Variants in ATAD5 observed in about 807,000 individuals in gnomAD.
ATAD5 encodes the protein ATPase family AAA domain containing 5.
ATAD5 carries 58 observed loss-of-function variants against 176.9 expected under a neutral mutation model. The observed-to-expected ratio is 0.33, with a 90% confidence interval of 0.27 to 0.41. The LOEUF is 0.41. ATAD5 is among the 10% of genes least tolerant of loss of function. The pLI, the probability that ATAD5 is intolerant of heterozygous loss-of-function variation, is 1.00. For synonymous variants in ATAD5, 640 were observed against 712.6 expected, an observed-to-expected ratio of 0.90 and a Z score of 1.62; for missense variants, 1,789 against 2,094.1, an observed-to-expected ratio of 0.85 and a Z score of 2.84.
intron 9 of ATAD5, among the ~76,000 whole-genome samples, chr17:30,858,752 C>T (rs1170140290): frequency 1.3e-5 from 2 of 152,058 alleles, no homozygotes; most frequent in Non-Finnish European, 2.9e-5. Context: ...GCAACTTTGC[C>T]TCACTGCAAC....
At chr17:30,840,574 T>G in intron 3 of ATAD5, 43 bp from the exon 4 acceptor site, 2 of 1,275,016 alleles carry the variant, frequency 1.6e-6, no homozygotes, top group Non-Finnish European at 2.1e-6. Context: ...AAATATAAAA[T>G]ATTTTCTTGT....
intron 15 of ATAD5, 33 bp downstream of exon 15, chr17:30,876,583 TTAA>T: frequency 7.2e-7 from 1 of 1,386,996 alleles, no homozygotes; most frequent in Non-Finnish European, 9.9e-7. Flanking sequence ...TTTATATTTT[TTAA>T]TAATAATGAC....
intron 3 of ATAD5, among the ~76,000 whole-genome samples, chr17:30,839,277 T>C (rs1905934443): frequency 6.6e-6 from 1 of 152,122 alleles, no homozygotes; most frequent in African/African-American, 2.4e-5. Context: ...TCTGCTTAAA[T>C]AGATATATCT....
intron 2 of ATAD5, 81 bp downstream of exon 2, chr17:30,836,129 G>A (rs1905730234): frequency 1.6e-6 from 2 of 1,243,722 alleles, no homozygotes; most frequent in Non-Finnish European, 1.1e-6. Flanking sequence ...AGTATTGGAG[G>A]GTATTTTTTT....
chr17:30,865,818 G>C lies in ATAD5; in HGVS notation c.3233+18G>C, dbSNP rs1907945369. The C allele has an allele frequency of 2.1e-6, 3 of 1,426,366 alleles. No homozygotes were observed. The highest frequency in any genetic ancestry group is 1.8e-4 in the Middle Eastern group (1 of 5,542). 88.4% of individuals were successfully genotyped at this position (1,426,366 alleles called of 1,614,324 possible). On this transcript the variant is annotated intron_variant, in intron 11 of 22. Transcript: ENST00000321990. ...TTACATAGGTTGGTAAAATGTGTAA[G>C]GAATTGAGAAATAGTTTACAAACTT...
At position 30,873,689 on chromosome 17, in the gene ATAD5, C is replaced by CTTTTT. The variant is rs775055653; in HGVS notation, c.3608-2672_3608-2668dup. Among the ~76,000 whole-genome samples the CTTTTT allele has an allele frequency of 1.8e-3, 228 of 129,582 alleles. 6 individuals are homozygous for CTTTTT. Among genetic ancestry groups the CTTTTT allele is most frequent in the African/African-American group, 6.1e-3 (207 of 33,726 alleles). 85.0% of individuals were successfully genotyped at this position (129,582 alleles called of 152,430 possible). ...CAGAGTATCTTAAAATAAAAATTGC[C>CTTTTT]TTTTTTTTTTTTTTTTTGAAAAGAC... On this transcript the variant is annotated intron_variant, in intron 14 of 22. Coordinates refer to ENST00000321990, the MANE Select transcript of ATAD5 (RefSeq NM_024857.5).
At chr17:30,867,833 G>A (rs1908092014) in intron 11 of ATAD5, among the ~76,000 whole-genome samples, 1 of 152,114 alleles carries the variant, frequency 6.6e-6, no homozygotes, top group African/African-American at 2.4e-5. Context: ...GCAAATTCCT[G>A]GGCTGAAGCA....
intron 11 of ATAD5, among the ~76,000 whole-genome samples, chr17:30,866,631 A>G (rs1020691179): frequency 2.0e-5 from 3 of 151,994 alleles, no homozygotes; most frequent in Admixed American, 2.0e-4. Flanking sequence ...CCTGGCCAAC[A>G]TGGTGAAACC....
At chr17:30,892,088 A>G (rs1286625101) in intron 19 of ATAD5, among the ~76,000 whole-genome samples, 1 of 151,922 alleles carries the variant, frequency 6.6e-6, no homozygotes, top group Non-Finnish European at 1.5e-5. Context: ...GATGGCTTTG[A>G]AAGTCCCCCA....
At chr17:30,868,237 C>G (rs1908113510) in intron 11 of ATAD5, 96 bp from the exon 12 acceptor site, 7 of 1,024,812 alleles carry the variant, frequency 6.8e-6, no homozygotes, top group Non-Finnish European at 5.3e-6. Flanking sequence ...GAGAAACTAA[C>G]AATATGCCAT....
rs1250200843 is a variant in ATAD5 at position 30,887,243 on chromosome 17, A to G, written c.4129A>G (p.Thr1377Ala). 1 of 1,603,310 alleles carries G rather than the reference A, an allele frequency of 6.2e-7. No individual in the cohort carries two copies. Among genetic ancestry groups the G allele is most frequent in the Admixed American group, 1.8e-5 (1 of 56,806 alleles). ...GATTTGCTTAACTGAGAATTTTAGA[A>G]CTGATGTAAAAGACTTTGTAACCTT... ...QMICLTENFR[T>A]DVKDFVTLLT... Residue 1377 changes from threonine to alanine, a missense_variant, in exon 19 of 23, where the codon ACT becomes GCT. Coordinates refer to ENST00000321990, the MANE Select transcript of ATAD5 (RefSeq NM_024857.5).
At chr17:30,840,865 A>G (rs1242089722) in intron 4 of ATAD5, 84 bp downstream of exon 4, 2 of 1,371,058 alleles carry the variant, frequency 1.5e-6, no homozygotes, top group African/African-American at 3.0e-5. Flanking sequence ...ATAAAGTTAT[A>G]AGGTAGGTTT....
intron 6 of ATAD5, among the ~76,000 whole-genome samples, chr17:30,846,544 A>G (rs1212313726): frequency 6.6e-6 from 1 of 151,768 alleles, no homozygotes; most frequent in African/African-American, 2.4e-5. Context: ...CTGGGACTAC[A>G]GGCACGCACC....
chr17:30,886,340 C>G (rs991857070), intron 18 of ATAD5, among the ~76,000 whole-genome samples: 1 of 149,654 alleles, frequency 6.7e-6, no homozygotes, highest in African/African-American at 2.4e-5. Context: ...TATGAGTTTT[C>G]TTTGTGGGAA....
At chr17:30,880,817 A>G (rs566623014) in intron 18 of ATAD5, among the ~76,000 whole-genome samples, 10 of 152,228 alleles carry the variant, frequency 6.6e-5, no homozygotes, top group Admixed American at 4.6e-4. Flanking sequence ...TAAAATTTAA[A>G]TGGAGTTAAA....
In ATAD5 at chr17:30,835,515, AAAG is replaced by A. The variant is rs553876113; in HGVS notation, c.1443_1445del (p.Lys481del). 1.4e-4 allele frequency: 219 copies of A among 1,606,428 alleles called. 2 individuals carry two copies. In the East Asian group the frequency reaches 4.7e-3, roughly 34 times the overall value. ...TTCTGAAGGAGAAAAATAAAAAGCT[AAAG>A]AAGAAGAATAAGAAAACATTAGATA... On this transcript the variant is annotated inframe_deletion, in exon 2 of 23. Coordinates refer to ENST00000321990, the MANE Select transcript of ATAD5 (RefSeq NM_024857.5).
chr17:30,892,425 TAAAAAAA>T (rs67654723), intron 19 of ATAD5, among the ~76,000 whole-genome samples, 175 bp from the exon 20 acceptor site: 4 of 133,272 alleles, frequency 3.0e-5, no homozygotes, highest in Non-Finnish European at 4.8e-5. Context: ...ACTCTGTCTT[TAAAAAAA>T]AAAAAAAAAA....
At chr17:30,865,363 G>C (rs780015185) in intron 10 of ATAD5, among the ~76,000 whole-genome samples, 8 of 151,916 alleles carry the variant, frequency 5.3e-5, no homozygotes, top group Admixed American at 1.3e-4. Context: ...TAGTAGAGAC[G>C]GGGTTTCACC....
At position 30,860,561 on chromosome 17, in the gene ATAD5, G is replaced by C; in HGVS notation, c.3085G>C (p.Glu1029Gln). ...GGAGAAGACCAATAGGAAGTCAGAA[G>C]AACTTAGCAAAAGAAACAACTCTTC... ...NLEKTNRKSE[E>Q]LSKRNNSSGI... is the part of the protein sequence containing the mutation. Residue 1029 changes from glutamate (E) to glutamine (Q), a missense_variant, in exon 10 of 23, where the codon GAA becomes CAA. Physicochemically the swap from Glu to Gln is conservative, Grantham distance 29. Transcript: ENST00000321990. The C allele has an allele frequency of 1.3e-6, 2 of 1,586,880 alleles. No individual in the cohort carries two copies. Among genetic ancestry groups the C allele is most frequent in the Non-Finnish European group, 1.7e-6 (2 of 1,173,854 alleles).
Sources: allele counts gnomAD v4.1 joint callset (sites outside exome capture counted in the v4.1 genomes callset), GRCh38; gene constraint gnomAD v4.1.1; transcripts MANE v1.5; gene names NCBI Gene and HGNC (gene_info 2026-07-23, HGNC 2026-07-21).